The following MTUS2 variants were observed in gnomAD, a reference collection of about 807,000 sequenced individuals.
MTUS2 encodes the protein microtubule-associated tumor suppressor candidate 2.
MTUS2 carries 40 observed loss-of-function variants against 114.1 expected under a neutral mutation model. The observed-to-expected ratio is 0.35, with a 90% confidence interval of 0.27 to 0.46. MTUS2 has a LOEUF of 0.46. MTUS2 is among the 20% of genes least tolerant of loss of function. MTUS2 has a pLI of 1.00. For missense variants in MTUS2, 1,679 were observed against 1,705.4 expected, an observed-to-expected ratio of 0.98 and a Z score of 0.27; for synonymous variants, 688 against 672.0, an observed-to-expected ratio of 1.02 and a Z score of -0.37.
intron 5 of MTUS2, among the ~76,000 whole-genome samples, chr13:29,124,552 C>T (rs191958687): frequency 3.3e-5 from 5 of 152,228 alleles, no homozygotes. Flanking sequence ...AGTAGAATTA[C>T]TGTGTCACCC....
intron 2 of MTUS2, among the ~76,000 whole-genome samples, chr13:28,944,190 T>C (rs1882393778): frequency 6.6e-6 from 1 of 152,090 alleles, no homozygotes; most frequent in Admixed American, 6.6e-5. Context: ...GGTATATCCA[T>C]CACCTTAAAT....
At chr13:29,308,416 A>G (rs1045974412) in intron 6 of MTUS2, among the ~76,000 whole-genome samples, 6 of 152,250 alleles carry the variant, frequency 3.9e-5, no homozygotes, top group African/African-American at 2.4e-5. Flanking sequence ...AAGATGGATT[A>G]AAGACTTAAA....
chr13:29,402,059 T>C (rs1036458815), intron 8 of MTUS2, among the ~76,000 whole-genome samples: 10 of 152,208 alleles, frequency 6.6e-5, no homozygotes, highest in Non-Finnish European at 1.5e-4. Context: ...TATATGGATG[T>C]ATATATACAT....
At chr13:29,370,671 C>T (rs1480007585) in intron 8 of MTUS2, among the ~76,000 whole-genome samples, 1 of 152,176 alleles carries the variant, frequency 6.6e-6, no homozygotes, top group African/African-American at 2.4e-5. Flanking sequence ...TCCCAGCCTC[C>T]AGACTGTGAA....
chr13:28,861,111 A>G (rs767601331), intron 2 of MTUS2, among the ~76,000 whole-genome samples: 8 of 152,164 alleles, frequency 5.3e-5, no homozygotes, highest in Non-Finnish European at 8.8e-5. Context: ...GGACCCTTAC[A>G]GGGGCAGTTT....
chr13:29,469,637 A>AGAAG (rs1483333802), intron 9 of MTUS2, among the ~76,000 whole-genome samples: 1 of 146,608 alleles, frequency 6.8e-6, no homozygotes, highest in African/African-American at 2.6e-5. Context: ...AAAAAAAAAA[A>AGAAG]AAAGAAAGAA....
intron 2 of MTUS2, among the ~76,000 whole-genome samples, chr13:28,849,780 A>G (rs1303761030): frequency 1.3e-5 from 2 of 151,950 alleles, no homozygotes; most frequent in African/African-American, 4.8e-5. Flanking sequence ...CTCATTGCCC[A>G]TGACGTTCTT....
At chr13:28,900,775 C>G (rs944916523) in intron 2 of MTUS2, among the ~76,000 whole-genome samples, 14 of 152,180 alleles carry the variant, frequency 9.2e-5, no homozygotes, top group Non-Finnish European at 1.9e-4. Context: ...GCACTACAAA[C>G]TAGGTTAGAC....
chr13:29,132,705 GAAT>G (rs1891817910), intron 5 of MTUS2, among the ~76,000 whole-genome samples: 1 of 152,142 alleles, frequency 6.6e-6, no homozygotes, highest in Non-Finnish European at 1.5e-5. Flanking sequence ...TTTTAAGTCT[GAAT>G]AATATTCCTT....
chr13:29,119,353 C>CA (rs200781577), intron 5 of MTUS2, among the ~76,000 whole-genome samples: 70 of 148,728 alleles, frequency 4.7e-4, no homozygotes, highest in East Asian at 3.5e-3. Context: ...CACTGCATAA[C>CA]AAAAAAAAAT....
At chr13:28,901,573 G>T (rs571798026) in intron 2 of MTUS2, among the ~76,000 whole-genome samples, 1 of 152,228 alleles carries the variant, frequency 6.6e-6, no homozygotes, top group South Asian at 2.1e-4. Flanking sequence ...TCTTTCTTAT[G>T]CCTATTGATA....
At chr13:29,274,135 A>G (rs1309887417) in intron 5 of MTUS2, among the ~76,000 whole-genome samples, 1 of 151,100 alleles carries the variant, frequency 6.6e-6, no homozygotes, top group East Asian at 1.9e-4. Context: ...TGTTTTTGAG[A>G]CAGAGTCTCG....
intron 2 of MTUS2, among the ~76,000 whole-genome samples, chr13:28,997,803 T>C (rs1243130601): frequency 6.6e-6 from 1 of 152,100 alleles, no homozygotes; most frequent in Non-Finnish European, 1.5e-5. Context: ...TGAGATGGGT[T>C]TCCTGAATAC....
chr13:29,377,957 T>A (rs923258556), intron 8 of MTUS2, among the ~76,000 whole-genome samples: 2 of 152,208 alleles, frequency 1.3e-5, no homozygotes, highest in Non-Finnish European at 2.9e-5. Flanking sequence ...GAATGGGCTG[T>A]TGGTATACAG....
chr13:28,906,903 G>A lies in MTUS2; in HGVS notation c.-243+67053G>A, dbSNP rs549444075. Among the ~76,000 whole-genome samples, 395 of 151,216 alleles carry A rather than the reference G, an allele frequency of 2.6e-3. 12 individuals are homozygous for A. The highest frequency in any genetic ancestry group is 9.1e-3 in the African/African-American group (374 of 40,994). ...TTCAGATTCAGGAAATACAGAGAAC[G>A]CCACAAAGATACTCCTCGAGAAGAG... On this transcript the variant is annotated intron_variant, in intron 2 of 15. Transcript: ENST00000612955.
intron 8 of MTUS2, among the ~76,000 whole-genome samples, chr13:29,393,880 A>G (rs989927286): frequency 6.6e-6 from 1 of 151,876 alleles, no homozygotes; most frequent in Non-Finnish European, 1.5e-5. Flanking sequence ...AGGTAGATAA[A>G]AGACAAACGG....
intron 9 of MTUS2, among the ~76,000 whole-genome samples, chr13:29,450,037 G>A (rs943183860): frequency 1.3e-5 from 2 of 152,160 alleles, no homozygotes; most frequent in Non-Finnish European, 2.9e-5. Context: ...GATGCCCCCC[G>A]ACCACGGTGC....
At chr13:29,497,166 C>A in intron 12 of MTUS2, 72 bp from the exon 13 acceptor site, 1 of 1,381,576 alleles carries the variant, frequency 7.2e-7, no homozygotes, top group Non-Finnish European at 1.0e-6. Flanking sequence ...GCCTGCTGAT[C>A]ACAGCTGCCC....
At chr13:29,427,485 T>C (rs1325321750) in intron 8 of MTUS2, among the ~76,000 whole-genome samples, 1 of 152,208 alleles carries the variant, frequency 6.6e-6, no homozygotes, top group African/African-American at 2.4e-5. Flanking sequence ...CGTGCAAATG[T>C]TGGGTCAAGG....
Sources: allele counts gnomAD v4.1 joint callset (sites outside exome capture counted in the v4.1 genomes callset), GRCh38; gene constraint gnomAD v4.1.1; transcripts MANE v1.5; gene names NCBI Gene and HGNC (gene_info 2026-07-23, HGNC 2026-07-21).